Variants in DLG2 observed in about 807,000 individuals in gnomAD.
The protein encoded by DLG2 is discs large MAGUK scaffold protein 2, also known as disks large homolog 2.
DLG2 carries 45 observed loss-of-function variants against 132.5 expected under a neutral mutation model. The ratio of observed to expected loss-of-function variants is 0.34; its 90% CI spans 0.27 to 0.44. DLG2 has a LOEUF of 0.44. Ranked by LOEUF, DLG2 falls within the 20% of genes least tolerant of loss-of-function variation. The pLI is 1.00. For missense variants in DLG2, 1,045 were observed against 1,196.9 expected (o/e 0.87, Z 1.87); for synonymous variants, 424 against 419.6 (o/e 1.01, Z -0.13).
At chr11:83,524,355 G>A (rs575038155) in intron 21 of DLG2, among the ~76,000 whole-genome samples, 2 of 152,180 alleles carry the variant, frequency 1.3e-5, no homozygotes, top group South Asian at 2.1e-4. Context: ...TGCAGGACAG[G>A]GGTTGAGCCT....
intron 6 of DLG2, among the ~76,000 whole-genome samples, chr11:84,861,000 C>T (rs2083539022): frequency 2.0e-5 from 3 of 151,926 alleles, no homozygotes; most frequent in South Asian, 4.1e-4. Context: ...TACACTACAC[C>T]GTATGCTAGG....
chr11:83,677,603 G>C (rs1163181569), intron 18 of DLG2, among the ~76,000 whole-genome samples: 1 of 151,936 alleles, frequency 6.6e-6, no homozygotes, highest in Non-Finnish European at 1.5e-5. Context: ...AAACTACTTT[G>C]TGAAAATAAT....
At chr11:84,553,048 C>T (rs1364461660) in intron 6 of DLG2, among the ~76,000 whole-genome samples, 2 of 152,054 alleles carry the variant, frequency 1.3e-5, no homozygotes, top group African/African-American at 4.8e-5. Context: ...CTTTTCTCAC[C>T]TTCCTGTCTC....
chr11:83,936,159 C>T (rs1240571109), intron 14 of DLG2, among the ~76,000 whole-genome samples: 1 of 152,168 alleles, frequency 6.6e-6, no homozygotes, highest in Non-Finnish European at 1.5e-5. Flanking sequence ...CACACGATAG[C>T]ACTTTCATGT....
intron 4 of DLG2, among the ~76,000 whole-genome samples, chr11:85,246,770 CTT>C (rs1401820860): frequency 1.3e-5 from 2 of 151,966 alleles, no homozygotes; most frequent in African/African-American, 4.8e-5. Context: ...TAATTATACA[CTT>C]ATATTTGTGT....
chr11:83,927,425 G>A (rs1382411285), intron 15 of DLG2, among the ~76,000 whole-genome samples: 2 of 152,144 alleles, frequency 1.3e-5, no homozygotes, highest in East Asian at 3.8e-4. Context: ...TGCAATTTAA[G>A]CTTGGATCTA....
At chr11:84,251,208 A>G (rs7933566) in intron 8 of DLG2, 30 bp downstream of exon 8, 1,146,058 of 1,432,966 alleles carry the variant, frequency 0.8, 461,296 homozygotes, top group Middle Eastern at 0.84. Context: ...CACAGTTTTA[A>G]AAGAAGGTAG....
chr11:83,714,241 A>G (rs982957089), intron 18 of DLG2, among the ~76,000 whole-genome samples: 1 of 148,968 alleles, frequency 6.7e-6, no homozygotes, highest in Non-Finnish European at 1.5e-5. Flanking sequence ...AGGGGAAACA[A>G]TTGAGGAAGA....
intron 4 of DLG2, among the ~76,000 whole-genome samples, chr11:85,210,386 C>G (rs923099277): frequency 1.3e-5 from 2 of 152,118 alleles, no homozygotes; most frequent in African/African-American, 4.8e-5. Flanking sequence ...TATTGTACTT[C>G]CTTCTGCCTC....
At chr11:84,031,905 A>C (rs2095706307) in intron 11 of DLG2, among the ~76,000 whole-genome samples, 1 of 152,168 alleles carries the variant, frequency 6.6e-6, no homozygotes, top group Admixed American at 6.6e-5. Flanking sequence ...TAGTATTTCA[A>C]AATTTTTAAT....
intron 6 of DLG2, among the ~76,000 whole-genome samples, chr11:84,736,472 T>G (rs1049948005): frequency 3.9e-5 from 6 of 151,950 alleles, no homozygotes; most frequent in African/African-American, 1.4e-4. Flanking sequence ...TAGATAAGGT[T>G]AGAGAGAATG....
At chr11:83,807,387 T>A (rs2046176395) in intron 17 of DLG2, among the ~76,000 whole-genome samples, 1 of 152,144 alleles carries the variant, frequency 6.6e-6, no homozygotes, top group Non-Finnish European at 1.5e-5. Flanking sequence ...ATTTAGCACA[T>A]AGAATTGCTG....
At chr11:84,207,966 AG>A (rs1221944263) in intron 8 of DLG2, among the ~76,000 whole-genome samples, 1 of 152,162 alleles carries the variant, frequency 6.6e-6, no homozygotes, top group Non-Finnish European at 1.5e-5. Flanking sequence ...TGGGGAAAAA[AG>A]GCTCACCTGA....
At position 84,427,559 on chromosome 11, in the gene DLG2, GA is replaced by G. The variant is rs563153924; in HGVS notation, c.519+107010del. On this transcript the variant is annotated intron_variant, in intron 7 of 27. Transcript: ENST00000376104. The stretch of plus-strand genomic sequence containing the variant: ...AAAGAACTTTTACAGGAATCTTGGG[GA>G]AAAAAATATATAGGAAAGTCAGTCC... Among the ~76,000 whole-genome samples the G allele has an allele frequency of 6.6e-5, 10 of 152,106 alleles. No homozygotes were observed. The East Asian group carries it at 1.7e-3, about 26-fold the overall frequency.
intron 6 of DLG2, among the ~76,000 whole-genome samples, chr11:84,957,758 A>T (rs2051918584): frequency 6.6e-6 from 1 of 152,246 alleles, no homozygotes; most frequent in African/African-American, 2.4e-5. Context: ...TATTTTTCAA[A>T]AAAAGAGAGC....
chr11:85,181,154 T>C (rs1566975358), intron 4 of DLG2, among the ~76,000 whole-genome samples: 1 of 151,664 alleles, frequency 6.6e-6, no homozygotes, highest in Non-Finnish European at 1.5e-5. Flanking sequence ...CTCTCTTCTT[T>C]CAGGCTTCCT....
At chr11:83,924,284 G>A (rs2154124017) in intron 15 of DLG2, among the ~76,000 whole-genome samples, 2 of 152,184 alleles carry the variant, frequency 1.3e-5, no homozygotes, top group African/African-American at 4.8e-5. Flanking sequence ...TAAAGGCCCA[G>A]TAAATTTTCT....
intron 6 of DLG2, among the ~76,000 whole-genome samples, chr11:84,816,818 A>G (rs2153978321): frequency 6.6e-6 from 1 of 152,114 alleles, no homozygotes; most frequent in South Asian, 2.1e-4. Context: ...TGTAAACTGT[A>G]AACCAAAAGC....
intron 6 of DLG2, among the ~76,000 whole-genome samples, chr11:84,778,978 C>T (rs906797367): frequency 1.3e-5 from 2 of 152,114 alleles, no homozygotes; most frequent in African/African-American, 4.8e-5. Flanking sequence ...GACTCTTGAA[C>T]CTACGCCAGT....
Sources: gnomAD v4.1 joint callset for allele counts (sites outside exome capture counted in the v4.1 genomes callset) on GRCh38, gnomAD v4.1.1 for gene constraint, MANE v1.5 for transcripts, NCBI Gene and HGNC (gene_info 2026-07-23, HGNC 2026-07-21) for gene names.